ZDHHC15: variants seen among roughly 807,000 people sequenced by gnomAD.
The protein encoded by ZDHHC15 is zDHHC palmitoyltransferase 15.
In ZDHHC15, 19 loss-of-function variants were observed where a neutral mutation model predicts 31.7. That is an observed-to-expected ratio of 0.60 (90% CI 0.42 to 0.88). The LOEUF (loss-of-function observed/expected upper bound fraction) is 0.88. Ranked by LOEUF, ZDHHC15 falls within the 40% of genes least tolerant of loss-of-function variation. ZDHHC15 has a pLI of 0.00. For missense variants in ZDHHC15, 209 were observed against 251.2 expected (o/e 0.83, Z 1.14); for synonymous variants, 103 against 90.0 (o/e 1.14, Z -0.82).
At chrX:75,403,605 AT>A (rs1191590039) in intron 10 of ZDHHC15, among the ~76,000 whole-genome samples, 19 of 112,104 alleles carry the variant, frequency 1.7e-4, no homozygotes, top group African/African-American at 6.2e-4. Flanking sequence ...CAAGAGCCAA[AT>A]CAGGAACGAA....
intron 2 of ZDHHC15, 63 bp downstream of exon 2, chrX:75,505,758 A>C (rs1438745268): frequency 5.1e-6 from 6 of 1,178,144 alleles, no homozygotes; most frequent in African/African-American, 1.8e-5. Flanking sequence ...CTTTTATGTT[A>C]TTTACTTTTA....
chrX:75,467,167 A>G (rs2084420106), intron 3 of ZDHHC15, among the ~76,000 whole-genome samples: 1 of 112,775 alleles, frequency 8.9e-6, no homozygotes, highest in East Asian at 2.8e-4. Flanking sequence ...TTTACTTAGA[A>G]GAACAGTTAT....
intron 2 of ZDHHC15, among the ~76,000 whole-genome samples, chrX:75,505,464 G>T (rs2085144080): frequency 9.1e-6 from 1 of 110,258 alleles, no homozygotes; most frequent in South Asian, 3.9e-4. Context: ...TCTCTTCTGG[G>T]GCCTTTACTC....
At chrX:75,460,905 T>G (rs1296220279) in intron 3 of ZDHHC15, among the ~76,000 whole-genome samples, 1 of 111,819 alleles carries the variant, frequency 8.9e-6, no homozygotes, top group East Asian at 2.8e-4. Context: ...GCAACACCTC[T>G]AGAGCAAGGG....
intron 2 of ZDHHC15, among the ~76,000 whole-genome samples, chrX:75,504,350 A>G (rs1394501735): frequency 1.8e-5 from 2 of 111,492 alleles, no homozygotes; most frequent in Non-Finnish European, 3.8e-5. Context: ...CATATACTGT[A>G]TTGTGTTTTA....
chrX:75,484,456 A>C (rs776821576), intron 2 of ZDHHC15, among the ~76,000 whole-genome samples: 24 of 112,509 alleles, frequency 2.1e-4, no homozygotes, highest in African/African-American at 6.8e-4. Context: ...TGAAAAGATT[A>C]GTCATTACAG....
chrX:75,491,887 C>T (rs760446235), intron 2 of ZDHHC15, among the ~76,000 whole-genome samples: 10 of 111,421 alleles, frequency 9.0e-5, no homozygotes, highest in East Asian at 8.5e-4. Context: ...CATCAATTAA[C>T]GAGCAAAATA....
At chrX:75,454,887 A>G (rs1322138794) in intron 3 of ZDHHC15, among the ~76,000 whole-genome samples, 2 of 112,049 alleles carry the variant, frequency 1.8e-5, no homozygotes, top group East Asian at 5.6e-4. Context: ...CAAATGGAAG[A>G]ACATTCCATG....
Position 75,450,607 on chromosome X carries a change from A to G in ZDHHC15, c.379+195T>C, listed in dbSNP as rs1412697720. The G allele has an allele frequency of 3.5e-6, 3 of 857,464 alleles. No homozygotes were observed. In the African/African-American group the frequency reaches 6.2e-5, roughly 18 times the overall value. The allele number at this position is 857,464 out of a possible 1,213,427, so 70.7% of individuals were successfully genotyped here. On this transcript the variant is annotated intron_variant, in intron 4 of 11. Coordinates refer to ENST00000373367, the MANE Select transcript of ZDHHC15 (RefSeq NM_144969.3). ...CAGAAGAATCCAGTTTGGGGTATACAGTTTGTTTACTATACAATTCTTCCA... is the reference window on the plus strand; with the variant it reads ...CAGAAGAATCCAGTTTGGGGTATACGGTTTGTTTACTATACAATTCTTCCA...
chrX:75,449,676 C>T (rs943447355), intron 4 of ZDHHC15, among the ~76,000 whole-genome samples: 1 of 111,902 alleles, frequency 8.9e-6, no homozygotes, highest in African/African-American at 3.2e-5. Context: ...TCCCCCATTG[C>T]CATATATCTT....
At chrX:75,481,770 T>C (rs1402913013) in intron 2 of ZDHHC15, among the ~76,000 whole-genome samples, 1 of 111,547 alleles carries the variant, frequency 9.0e-6, no homozygotes, top group Non-Finnish European at 1.9e-5. Flanking sequence ...TCAGTCCCAG[T>C]CCAGAGTGCT....
chrX:75,489,308 G>A (rs2084831487), intron 2 of ZDHHC15, among the ~76,000 whole-genome samples: 1 of 112,128 alleles, frequency 8.9e-6, no homozygotes, highest in Non-Finnish European at 1.9e-5. Flanking sequence ...GTGGGTCCCT[G>A]ACCCCTGAGC....
intron 2 of ZDHHC15, among the ~76,000 whole-genome samples, chrX:75,497,569 A>G (rs2085021199): frequency 9.0e-6 from 1 of 111,546 alleles, no homozygotes; most frequent in Admixed American, 9.6e-5. Flanking sequence ...TAGAGATGCA[A>G]AAGTCCTCTA....
chrX:75,515,761 G>A (rs1482902409), intron 1 of ZDHHC15, among the ~76,000 whole-genome samples: 1 of 111,488 alleles, frequency 9.0e-6, no homozygotes, highest in African/African-American at 3.3e-5. Flanking sequence ...AAGAAATAAA[G>A]GGTATTCAAT....
intron 7 of ZDHHC15, among the ~76,000 whole-genome samples, chrX:75,427,165 G>A (rs769386775): frequency 4.5e-5 from 5 of 111,600 alleles, no homozygotes; most frequent in African/African-American, 6.5e-5. Context: ...ACACTAAAGT[G>A]TTATCTGGCT....
chrX:75,398,894 A>G (rs1425834069), intron 10 of ZDHHC15, among the ~76,000 whole-genome samples: 2 of 108,151 alleles, frequency 1.8e-5, no homozygotes, highest in African/African-American at 6.8e-5. Flanking sequence ...AGCAGTTCCC[A>G]ATCCTGTTCA....
At chrX:75,392,140 A>C (rs1158571154) in intron 10 of ZDHHC15, among the ~76,000 whole-genome samples, 1 of 112,213 alleles carries the variant, frequency 8.9e-6, no homozygotes, top group Admixed American at 9.5e-5. Context: ...ATTAAGCATT[A>C]ATTCACATGA....
intron 10 of ZDHHC15, among the ~76,000 whole-genome samples, chrX:75,405,556 T>C (rs150928638): frequency 6.5e-3 from 718 of 110,626 alleles, no homozygotes; most frequent in Non-Finnish European, 9.8e-3. Context: ...ATAAAATATA[T>C]AGAAAGAGAC....
intron 4 of ZDHHC15, among the ~76,000 whole-genome samples, chrX:75,437,901 G>C (rs1457114554): frequency 9.1e-6 from 1 of 110,403 alleles, no homozygotes; most frequent in Non-Finnish European, 1.9e-5. Context: ...CTAATATCCA[G>C]AATCTACAAA....
Sources: gnomAD v4.1 joint callset for allele counts (sites outside exome capture counted in the v4.1 genomes callset) on GRCh38, gnomAD v4.1.1 for gene constraint, MANE v1.5 for transcripts, NCBI Gene and HGNC (gene_info 2026-07-23, HGNC 2026-07-21) for gene names.